Variants in PSMD1 observed in about 807,000 individuals in gnomAD.
PSMD1 encodes the protein 26S proteasome non-ATPase regulatory subunit 1.
PSMD1 carries 18 observed loss-of-function variants against 119.0 expected under a neutral mutation model. The observed-to-expected ratio is 0.15, with a 90% confidence interval of 0.10 to 0.22. PSMD1 has a LOEUF of 0.22. PSMD1 is among the 10% of genes least tolerant of loss of function. The pLI is 1.00. For synonymous variants in PSMD1, 374 were observed against 396.6 expected, an observed-to-expected ratio of 0.94 and a Z score of 0.68; for missense variants, 702 against 1,158.5, an observed-to-expected ratio of 0.61 and a Z score of 5.72.
intron 15 of PSMD1, among the ~76,000 whole-genome samples, chr2:231,086,581 C>T (rs1437199279): frequency 6.6e-6 from 1 of 152,138 alleles, no homozygotes; most frequent in African/African-American, 2.4e-5. Context: ...CACTTGAACC[C>T]GGGAGGCAGA....
intron 16 of PSMD1, among the ~76,000 whole-genome samples, chr2:231,104,552 C>CT (rs947958857): frequency 4.6e-5 from 7 of 150,762 alleles, no homozygotes; most frequent in African/African-American, 1.5e-4. Flanking sequence ...TCTATGTTCT[C>CT]TAAGTTTTAG....
In PSMD1 at chr2:231,062,769, A is replaced by G. The variant is rs1159622205; in HGVS notation, c.304+94A>G. On this transcript the variant is annotated intron_variant, in intron 4 of 24. Coordinates refer to ENST00000308696, the MANE Select transcript of PSMD1 (RefSeq NM_002807.4). ...TTTTTTCCTGAATTTGATGTTGCCA[A>G]ATTTCATTTTAATTGGAAGTTCCTA... 5 of 1,086,040 alleles carry G rather than the reference A, an allele frequency of 4.6e-6. No individual in the cohort carries two copies. In the East Asian group the frequency reaches 1.1e-4, roughly 24 times the overall value. 67.3% of individuals were successfully genotyped at this position (1,086,040 alleles called of 1,614,324 possible). A position where few individuals can be genotyped will look rare whatever the true frequency, so the allele number is the denominator to read the frequency against.
chr2:231,100,308 G>A (rs1694832337), intron 16 of PSMD1, among the ~76,000 whole-genome samples: 1 of 152,202 alleles, frequency 6.6e-6, no homozygotes, highest in Admixed American at 6.5e-5. Context: ...GGACAAGGGA[G>A]GGGAAGGGGT....
intron 7 of PSMD1, 123 bp from the exon 8 acceptor site, chr2:231,075,388 A>C (rs1694135883): frequency 1.3e-6 from 1 of 765,654 alleles, no homozygotes; most frequent in Non-Finnish European, 2.0e-6. Flanking sequence ...TTTATTTCTT[A>C]ATGGTAATAC....
chr2:231,123,515 T>A (rs1356770359), intron 16 of PSMD1: 1 of 1,613,890 alleles, frequency 6.2e-7, no homozygotes, highest in Non-Finnish European at 8.5e-7. Context: ...TACTGCAGCT[T>A]CTTCTCCAGT....
At chr2:231,139,064 A>G in intron 17 of PSMD1, 1 of 606,902 alleles carries the variant, frequency 1.6e-6, no homozygotes, top group South Asian at 1.8e-5. Context: ...GATAGCTGTA[A>G]CTGAAACAGT....
chr2:231,062,145 T>A (rs1693775899), intron 2 of PSMD1, 103 bp from the exon 3 acceptor site: 3 of 711,438 alleles, frequency 4.2e-6, no homozygotes, highest in Non-Finnish European at 7.2e-6. Context: ...AAAGTTTGAG[T>A]AAATATTACT....
chr2:231,125,411 C>T (rs968222690), intron 16 of PSMD1, among the ~76,000 whole-genome samples: 1 of 152,096 alleles, frequency 6.6e-6, no homozygotes, highest in Non-Finnish European at 1.5e-5. Flanking sequence ...AAGATTCTGC[C>T]GTTTTAAAAG....
At position 231,109,130 on chromosome 2, in the gene PSMD1, G is replaced by A. The variant is rs753803744; in HGVS notation, c.1883+21949G>A. The A allele has an allele frequency of 1.8e-5, 29 of 1,613,900 alleles. 1 individual carries two copies. The highest frequency in any genetic ancestry group is 1.0e-4 in the Admixed American group (6 of 59,994). ...ACCATCCAGCATTGCCACCTTTTCC[G>A]GTGACGAGCAAGGTGTTTCATCCCT... is the stretch of plus-strand genomic sequence containing the variant. On this transcript the variant is annotated intron_variant, in intron 16 of 24. Coordinates refer to ENST00000308696, the MANE Select transcript of PSMD1 (RefSeq NM_002807.4).
intron 16 of PSMD1, among the ~76,000 whole-genome samples, chr2:231,130,687 G>C (rs189948289): frequency 8.5e-5 from 13 of 152,164 alleles, no homozygotes; most frequent in Non-Finnish European, 1.2e-4. Context: ...TGAACTCCAG[G>C]GTTCATGCAA....
At chr2:231,167,483 A>C (rs752983542) in intron 23 of PSMD1, among the ~76,000 whole-genome samples, 8 of 152,264 alleles carry the variant, frequency 5.3e-5, no homozygotes, top group Non-Finnish European at 7.3e-5. Flanking sequence ...AGAGATAGCT[A>C]TAACAGTTGG....
chr2:231,078,727 A>G lies in PSMD1; in HGVS notation c.1140A>G (p.Thr380=), dbSNP rs1209297919. 5.6e-6 allele frequency: 9 copies of G among 1,606,878 alleles called. No individual in the cohort carries two copies. The highest frequency in any genetic ancestry group is 7.6e-6 in the Non-Finnish European group (9 of 1,177,236). ...VIANSFMHCG[T]TSDQFLRDNL... The stretch of plus-strand genomic sequence containing the variant: ...CAAACTCTTTTATGCACTGTGGGAC[A>G]ACCAGTGACCAGTTTCTTAGGTAAA... The change falls in exon 10 of 25, where the codon ACA becomes ACG. Residue 380 remains threonine, a synonymous_variant. Transcript: ENST00000308696.
chr2:231,142,774 C>T (rs548099096), intron 17 of PSMD1, among the ~76,000 whole-genome samples: 5 of 152,190 alleles, frequency 3.3e-5, no homozygotes, highest in African/African-American at 1.2e-4. Context: ...ATGACTACTT[C>T]ATAAAGAATA....
At chr2:231,152,864 T>A (rs1230458607) in intron 18 of PSMD1, among the ~76,000 whole-genome samples, 1 of 152,142 alleles carries the variant, frequency 6.6e-6, no homozygotes, top group Admixed American at 6.5e-5. Flanking sequence ...CCAAACAGAT[T>A]TAAAGGAATA....
chr2:231,082,211 C>T (rs1694325157), intron 12 of PSMD1, among the ~76,000 whole-genome samples: 1 of 152,056 alleles, frequency 6.6e-6, no homozygotes, highest in South Asian at 2.1e-4. Flanking sequence ...CACAGGCATG[C>T]ACCACCACGC....
intron 16 of PSMD1, among the ~76,000 whole-genome samples, chr2:231,120,540 A>G (rs1396018166): frequency 6.6e-6 from 1 of 152,214 alleles, no homozygotes; most frequent in Non-Finnish European, 1.5e-5. Flanking sequence ...CATTTGAAAG[A>G]CAATGTTGTG....
chr2:231,157,719 G>A (rs1014977436), intron 19 of PSMD1, among the ~76,000 whole-genome samples: 11 of 151,458 alleles, frequency 7.3e-5, no homozygotes, highest in African/African-American at 2.7e-4. Context: ...GGTGCACACC[G>A]CCATGCCCGG....
At chr2:231,118,581 A>AT (rs1238649785) in intron 16 of PSMD1, among the ~76,000 whole-genome samples, 4 of 151,966 alleles carry the variant, frequency 2.6e-5, no homozygotes, top group African/African-American at 7.2e-5. Flanking sequence ...TGGTTTGGGT[A>AT]TTTTTTTGTT....
chr2:231,163,493 A>T, intron 20 of PSMD1, 142 bp from the exon 21 acceptor site: 1 of 566,114 alleles, frequency 1.8e-6, no homozygotes, highest in Non-Finnish European at 3.1e-6. Context: ...AATCAGTAAA[A>T]GTAGACATGG....
Sources: allele counts gnomAD v4.1 joint callset (sites outside exome capture counted in the v4.1 genomes callset), GRCh38; gene constraint gnomAD v4.1.1; transcripts MANE v1.5; gene names NCBI Gene and HGNC (gene_info 2026-07-23, HGNC 2026-07-21).